The following NKAIN2 variants were observed in gnomAD, a reference collection of about 807,000 sequenced individuals.
The protein encoded by NKAIN2 is sodium/potassium transporting ATPase interacting 2, also known as sodium/potassium-transporting ATPase subunit beta-1-interacting protein 2.
A neutral mutation model predicts 32.6 loss-of-function variants in NKAIN2; 14 were observed. The ratio of observed to expected loss-of-function variants is 0.43; its 90% confidence interval spans 0.28 to 0.67. The LOEUF (loss-of-function observed/expected upper bound fraction) is 0.67. Ranked by LOEUF, NKAIN2 falls within the 30% of genes least tolerant of loss-of-function variation. The pLI is 0.17. For missense variants in NKAIN2, 198 were observed against 258.3 expected, an observed-to-expected ratio of 0.77 and a Z score of 1.60; for synonymous variants, 80 against 87.2, an observed-to-expected ratio of 0.92 and a Z score of 0.46.
intron 3 of NKAIN2, among the ~76,000 whole-genome samples, chr6:124,433,155 A>G (rs1320462675): frequency 6.6e-6 from 1 of 152,206 alleles, no homozygotes; most frequent in Non-Finnish European, 1.5e-5. Context: ...ATTCACTCTC[A>G]GAAGACACAG....
chr6:124,258,584 A>G (rs1478297114), intron 1 of NKAIN2, among the ~76,000 whole-genome samples: 1 of 152,216 alleles, frequency 6.6e-6, no homozygotes, highest in African/African-American at 2.4e-5. Flanking sequence ...GATTAAGAAC[A>G]TAACTTTGGA....
chr6:124,491,277 G>T (rs145326778), intron 3 of NKAIN2, among the ~76,000 whole-genome samples: 1 of 151,954 alleles, frequency 6.6e-6, no homozygotes, highest in African/African-American at 2.4e-5. Flanking sequence ...CTGTTAGTAT[G>T]ACTCCGAGAG....
intron 1 of NKAIN2, among the ~76,000 whole-genome samples, chr6:123,834,858 A>G (rs952331525): frequency 3.9e-5 from 6 of 152,180 alleles, no homozygotes; most frequent in African/African-American, 1.4e-4. Flanking sequence ...TGTTGATGTA[A>G]TGGACTACAT....
At chr6:124,296,421 C>A (rs1367119822) in intron 2 of NKAIN2, among the ~76,000 whole-genome samples, 3 of 152,050 alleles carry the variant, frequency 2.0e-5, no homozygotes, top group Non-Finnish European at 4.4e-5. Context: ...CCCATCTTAT[C>A]ATTTTATGTA....
intron 1 of NKAIN2, among the ~76,000 whole-genome samples, chr6:124,246,257 AC>A (rs1292414525): frequency 2.0e-5 from 3 of 152,110 alleles, no homozygotes; most frequent in African/African-American, 7.2e-5. Flanking sequence ...ATTTAAATGC[AC>A]ATGTCTGATC....
chr6:124,268,010 A>G (rs375945560), intron 1 of NKAIN2, among the ~76,000 whole-genome samples: 4 of 152,198 alleles, frequency 2.6e-5, no homozygotes, highest in East Asian at 1.9e-4. Context: ...TCTTTTTAAT[A>G]TGCTTAAACT....
chr6:124,322,028 G>A (rs17558846), intron 2 of NKAIN2, among the ~76,000 whole-genome samples: 3,518 of 152,026 alleles, frequency 0.023, 70 homozygotes, highest in Non-Finnish European at 0.035. Context: ...TGCAATACTC[G>A]AAACATAGCC....
intron 3 of NKAIN2, among the ~76,000 whole-genome samples, chr6:124,640,401 A>G (rs888880268): frequency 1.3e-5 from 2 of 152,204 alleles, no homozygotes; most frequent in Non-Finnish European, 2.9e-5. Context: ...AATGGCAGTA[A>G]TATCTCTGGA....
intron 1 of NKAIN2, among the ~76,000 whole-genome samples, chr6:124,127,772 A>G (rs1295333256): frequency 1.3e-5 from 2 of 152,054 alleles, no homozygotes; most frequent in African/African-American, 4.8e-5. Context: ...CTGGGCTTCA[A>G]GGTATCAGGA....
intron 3 of NKAIN2, among the ~76,000 whole-genome samples, chr6:124,531,465 T>A (rs943838269): frequency 5.9e-5 from 9 of 152,196 alleles, no homozygotes; most frequent in Admixed American, 5.9e-4. Context: ...TTGTTGAGAT[T>A]TTTTACATCT....
At chr6:124,062,404 A>G (rs1243826128) in intron 1 of NKAIN2, among the ~76,000 whole-genome samples, 1 of 152,110 alleles carries the variant, frequency 6.6e-6, no homozygotes, top group Non-Finnish European at 1.5e-5. Flanking sequence ...TTCCAGGAAT[A>G]GCTGATTTCA....
chr6:124,574,914 A>C (rs915051340), intron 3 of NKAIN2, among the ~76,000 whole-genome samples: 1 of 152,212 alleles, frequency 6.6e-6, no homozygotes, highest in African/African-American at 2.4e-5. Flanking sequence ...TGGGTTATAC[A>C]TTCATTCAGA....
At chr6:123,993,060 G>A (rs958367329) in intron 1 of NKAIN2, among the ~76,000 whole-genome samples, 1 of 152,266 alleles carries the variant, frequency 6.6e-6, no homozygotes, top group Non-Finnish European at 1.5e-5. Flanking sequence ...TATGTCATGG[G>A]TGTTGTGAGG....
intron 1 of NKAIN2, among the ~76,000 whole-genome samples, chr6:123,960,894 C>T (rs895802632): frequency 3.3e-5 from 5 of 151,800 alleles, no homozygotes; most frequent in Non-Finnish European, 5.9e-5. Context: ...GATTAGCATC[C>T]TAGGCAACAA....
intron 1 of NKAIN2, among the ~76,000 whole-genome samples, chr6:124,014,436 TG>T (rs964316770): frequency 4.4e-4 from 67 of 152,230 alleles, no homozygotes; most frequent in African/African-American, 1.6e-3. Context: ...TACAAGTTGT[TG>T]TTTTTTTCAT....
chr6:123,999,961 G>T (rs976065515), intron 1 of NKAIN2, among the ~76,000 whole-genome samples: 2 of 151,986 alleles, frequency 1.3e-5, no homozygotes, highest in African/African-American at 4.8e-5. Context: ...TTATTATTTT[G>T]TTAATATAGT....
At chr6:124,118,547 C>T (rs989338474) in intron 1 of NKAIN2, among the ~76,000 whole-genome samples, 4 of 152,010 alleles carry the variant, frequency 2.6e-5, no homozygotes, top group Admixed American at 6.6e-5. Context: ...GTGAGGTTAA[C>T]GGCATCCTCA....
chr6:124,013,085 A>G (rs1166958791), intron 1 of NKAIN2, among the ~76,000 whole-genome samples: 1 of 152,204 alleles, frequency 6.6e-6, no homozygotes, highest in East Asian at 1.9e-4. Flanking sequence ...ATAACTAACG[A>G]TGATGAACAT....
intron 1 of NKAIN2, among the ~76,000 whole-genome samples, chr6:124,122,889 G>A (rs989775502): frequency 3.3e-5 from 5 of 151,690 alleles, no homozygotes; most frequent in African/African-American, 7.3e-5. Flanking sequence ...AAAACAGAAA[G>A]GAAATAAATA....
Sources: allele counts gnomAD v4.1 joint callset (sites outside exome capture counted in the v4.1 genomes callset), GRCh38; gene constraint gnomAD v4.1.1; transcripts MANE v1.5; gene names NCBI Gene and HGNC (gene_info 2026-07-23, HGNC 2026-07-21).